BRMS1L: variants seen among roughly 807,000 people sequenced by gnomAD.
The protein encoded by BRMS1L is BRMS1 like transcriptional repressor.
BRMS1L carries 23 observed loss-of-function variants against 50.3 expected under a neutral mutation model. That is an observed-to-expected ratio of 0.46 (90% confidence interval 0.33 to 0.65). The LOEUF is 0.65. Ranked by LOEUF, BRMS1L falls within the 30% of genes least tolerant of loss-of-function variation. BRMS1L has a pLI of 0.02. For missense variants in BRMS1L, 286 were observed against 386.1 expected, an observed-to-expected ratio of 0.74 and a Z score of 2.17; for synonymous variants, 114 against 126.9, an observed-to-expected ratio of 0.90 and a Z score of 0.69.
At chr14:35,849,887 T>A (rs1324634032) in intron 4 of BRMS1L, among the ~76,000 whole-genome samples, 1 of 151,816 alleles carries the variant, frequency 6.6e-6, no homozygotes, top group Non-Finnish European at 1.5e-5. Context: ...TGGTGTGATC[T>A]CGGCTCACTG....
In BRMS1L at chr14:35,826,380, G is replaced by T. The variant is rs1212538693; in HGVS notation, c.-137G>T. 6 of 1,336,598 alleles carry T rather than the reference G, an allele frequency of 4.5e-6. No individual in the cohort carries two copies. The highest frequency in any genetic ancestry group is 6.1e-6 in the Non-Finnish European group (6 of 978,602). 82.8% of individuals were successfully genotyped at this position (1,336,598 alleles called of 1,614,324 possible). On this transcript the variant is annotated 5_prime_UTR_variant, in exon 1 of 10. Coordinates refer to ENST00000216807, the MANE Select transcript of BRMS1L (RefSeq NM_032352.4). ...GCCTGCGGGTTAGGTTGTGAGGCCCGGGCCGGGGGCGGGGAGGAGCCAAGG... is the reference window on the plus strand; with the variant it reads ...GCCTGCGGGTTAGGTTGTGAGGCCCTGGCCGGGGGCGGGGAGGAGCCAAGG...
intron 8 of BRMS1L, among the ~76,000 whole-genome samples, chr14:35,866,261 C>A (rs1015016133): frequency 6.6e-6 from 1 of 152,128 alleles, no homozygotes; most frequent in Non-Finnish European, 1.5e-5. Context: ...ATAAGTTTCT[C>A]TGTTTCTGCC....
chr14:35,862,674 G>A lies in BRMS1L; in HGVS notation c.526G>A (p.Asp176Asn). 1 of 1,607,718 alleles carries A rather than the reference G, an allele frequency of 6.2e-7. No individual in the cohort carries two copies. Among genetic ancestry groups the A allele is most frequent in the Non-Finnish European group, 8.5e-7 (1 of 1,176,170 alleles). Residue 176 changes from aspartate (D) to asparagine (N), a missense_variant, in exon 5 of 10, where the codon GAT becomes AAT. Around this residue, in one of 5 missense-constraint regions of BRMS1L, gnomAD observed 160 missense variants for 240.6 expected, o/e 0.66. Transcript: ENST00000216807. ...RRLEEDRHSI[D>N]ITSELWNDEL... ...GCTTGAAGAGGATAGGCACAGCATT[G>A]ATATTACCTCAGGTAAGGAGAATGA...
intron 5 of BRMS1L, 63 bp downstream of exon 5, chr14:35,862,749 C>A: frequency 9.5e-7 from 1 of 1,052,318 alleles, no homozygotes; most frequent in Non-Finnish European, 1.4e-6. Context: ...ACTGTAGTGT[C>A]ATATCGTATC....
Position 35,826,473 on chromosome 14 carries a change from C to T in BRMS1L, c.-44C>T, listed in dbSNP as rs200249198. 3 of 1,553,242 alleles carry T rather than the reference C, an allele frequency of 1.9e-6. No homozygotes were observed. The highest frequency in any genetic ancestry group is 2.0e-5 in the Admixed American group (1 of 51,186). On this transcript the variant is annotated 5_prime_UTR_variant, in exon 1 of 10. Coordinates refer to ENST00000216807, the MANE Select transcript of BRMS1L (RefSeq NM_032352.4). ...GCGCCCTTCATTGAAGCGGCGGTGG[C>T]CGGGCTGGGCGCCGGTAGTGGAAAG...
intron 3 of BRMS1L, among the ~76,000 whole-genome samples, chr14:35,833,827 T>A (rs530727847): frequency 6.6e-6 from 1 of 152,308 alleles, no homozygotes; most frequent in East Asian, 1.9e-4. Flanking sequence ...AGATAATACC[T>A]AAGGCATTGT....
intron 2 of BRMS1L, among the ~76,000 whole-genome samples, chr14:35,831,790 C>T (rs1167837405): frequency 2.6e-5 from 4 of 152,048 alleles, no homozygotes; most frequent in Admixed American, 6.6e-5. Context: ...TGTGGTGGTA[C>T]GTGCCTGTGG....
intron 2 of BRMS1L, among the ~76,000 whole-genome samples, chr14:35,832,436 G>A (rs2077933751): frequency 1.3e-5 from 2 of 151,902 alleles, no homozygotes; most frequent in South Asian, 2.1e-4. Flanking sequence ...GAACCCAGGA[G>A]GCGGAGCTTG....
At chr14:35,853,181 G>A (rs1022383674) in intron 4 of BRMS1L, among the ~76,000 whole-genome samples, 1 of 151,596 alleles carries the variant, frequency 6.6e-6, no homozygotes, top group African/African-American at 2.4e-5. Context: ...AATTAAAACG[G>A]CCACCTTAGT....
intron 4 of BRMS1L, among the ~76,000 whole-genome samples, chr14:35,843,683 G>A (rs2078095527): frequency 6.6e-6 from 1 of 152,278 alleles, no homozygotes; most frequent in Admixed American, 6.5e-5. Flanking sequence ...TGAGGAGGCA[G>A]TCTGTCCCTT....
chr14:35,858,538 A>T (rs2078310473), intron 4 of BRMS1L: 1 of 152,218 alleles, frequency 6.6e-6, no homozygotes, highest in African/African-American at 2.4e-5. Context: ...TCCAAAACTT[A>T]GTGGCTTAAC....
chr14:35,841,249 G>A (rs2078058926), intron 4 of BRMS1L, among the ~76,000 whole-genome samples: 1 of 151,482 alleles, frequency 6.6e-6, no homozygotes, highest in Non-Finnish European at 1.5e-5. Context: ...TTGCTGAGGA[G>A]TGTTTTACTT....
In BRMS1L at chr14:35,865,283, C is replaced by T. The variant is rs146981850; in HGVS notation, c.687+284C>T. On this transcript the variant is annotated intron_variant, in intron 7 of 9. Transcript: ENST00000216807. ...TATTTAGTCTGCCCAAAAATAATAACATCACCATCTGTGCCTAGTCCTTTG... is the reference window on the plus strand; with the variant it reads ...TATTTAGTCTGCCCAAAAATAATAATATCACCATCTGTGCCTAGTCCTTTG... 4.9e-3 allele frequency among the ~76,000 whole-genome samples: 749 copies of T among 152,228 alleles called. 4 individuals carry two copies. The highest frequency in any genetic ancestry group is 8.7e-3 in the Non-Finnish European group (593 of 67,994).
At chr14:35,848,468 T>A (rs1483965715) in intron 4 of BRMS1L, among the ~76,000 whole-genome samples, 1 of 152,140 alleles carries the variant, frequency 6.6e-6, no homozygotes, top group Non-Finnish European at 1.5e-5. Flanking sequence ...TCCAAGTAGC[T>A]GGGACTACAG....
At chr14:35,852,863 G>A (rs915147987) in intron 4 of BRMS1L, among the ~76,000 whole-genome samples, 2 of 151,956 alleles carry the variant, frequency 1.3e-5, no homozygotes, top group South Asian at 2.1e-4. Flanking sequence ...CCCGGGAGGC[G>A]AAGCTTGCAG....
At chr14:35,850,757 G>A (rs34803604) in intron 4 of BRMS1L, among the ~76,000 whole-genome samples, 25,299 of 152,108 alleles carry the variant, frequency 0.17, 2,176 homozygotes, top group East Asian at 0.33. Flanking sequence ...TTTTGTGTGT[G>A]TTGTACAATA....
rs146947275 is a variant in BRMS1L, at chr14:35,846,199, T to G, written c.441+11276T>G. Among the ~76,000 whole-genome samples the G allele has an allele frequency of 4.0e-3, 599 of 151,482 alleles. 4 individuals carry two copies. The highest frequency in any genetic ancestry group is 0.014 in the African/African-American group (566 of 41,224). ...CTCAGGAGTTTGAGACTAGCCTGGG[T>G]AACAAAGCAAGACTCTGTCAAAACA... is the stretch of plus-strand genomic sequence containing the variant. On this transcript the variant is annotated intron_variant, in intron 4 of 9. Transcript: ENST00000216807.
intron 4 of BRMS1L, among the ~76,000 whole-genome samples, chr14:35,841,469 T>C (rs1357971121): frequency 2.0e-5 from 3 of 152,074 alleles, no homozygotes; most frequent in Non-Finnish European, 2.9e-5. Flanking sequence ...AGCTAATCTT[T>C]TGTATTTTTA....
chr14:35,826,942 C>T (rs1330487300), intron 1 of BRMS1L, among the ~76,000 whole-genome samples: 1 of 152,206 alleles, frequency 6.6e-6, no homozygotes, highest in Admixed American at 6.5e-5. Context: ...CCCAGGCGGA[C>T]AACTTCCCGC....
Sources: gnomAD v4.1 joint callset for allele counts (sites outside exome capture counted in the v4.1 genomes callset) on GRCh38, gnomAD v4.1.1 for gene constraint, gnomAD v4.1.1 regional missense constraint, MANE v1.5 for transcripts, NCBI Gene and HGNC (gene_info 2026-07-23, HGNC 2026-07-21) for gene names.